DSCAM: variants seen among roughly 807,000 people sequenced by gnomAD.
DSCAM encodes the protein cell adhesion molecule DSCAM.
DSCAM carries 47 observed loss-of-function variants against 217.7 expected under a neutral mutation model. The observed-to-expected ratio is 0.22, with a 90% CI of 0.17 to 0.28. The LOEUF (loss-of-function observed/expected upper bound fraction) is 0.28, where lower values mean the gene tolerates loss of function less well. Among genes scored for constraint, DSCAM ranks in the 10% least tolerant of loss-of-function variants. The pLI is 1.00. For missense variants in DSCAM, 2,080 were observed against 2,618.3 expected (o/e 0.79, Z 4.49); for synonymous variants, 1,056 against 1,015.3 (o/e 1.04, Z -0.76).
chr21:40,415,742 G>T (rs1246920608), intron 3 of DSCAM, among the ~76,000 whole-genome samples: 3 of 152,092 alleles, frequency 2.0e-5, no homozygotes, highest in African/African-American at 7.2e-5. Flanking sequence ...GCTCCCCAGG[G>T]GGCCGGTGGG....
At chr21:40,839,628 T>A (rs2092084064) in intron 1 of DSCAM, among the ~76,000 whole-genome samples, 1 of 151,882 alleles carries the variant, frequency 6.6e-6, no homozygotes. Flanking sequence ...TCTGCAAGGG[T>A]TGGTATGCTT....
intron 1 of DSCAM, among the ~76,000 whole-genome samples, chr21:40,732,304 T>A (rs1305415674): frequency 6.6e-6 from 1 of 152,194 alleles, no homozygotes; most frequent in Non-Finnish European, 1.5e-5. Context: ...GCCACCACCA[T>A]GTAAGGCAGA....
intron 1 of DSCAM, among the ~76,000 whole-genome samples, chr21:40,717,099 T>A (rs1004523094): frequency 1.3e-5 from 2 of 152,240 alleles, no homozygotes; most frequent in Non-Finnish European, 2.9e-5. Context: ...GGAAATTCAA[T>A]GCACAGCTAA....
At chr21:40,115,924 CTAGA>C (rs1435029215) in intron 20 of DSCAM, among the ~76,000 whole-genome samples, 2 of 152,138 alleles carry the variant, frequency 1.3e-5, no homozygotes, top group African/African-American at 4.8e-5. Context: ...CAATGATAGA[CTAGA>C]TAAAGAAAAT....
chr21:40,299,608 G>T (rs1288071180), intron 9 of DSCAM, among the ~76,000 whole-genome samples: 3 of 152,206 alleles, frequency 2.0e-5, no homozygotes, highest in African/African-American at 7.2e-5. Context: ...ACAGGCATAT[G>T]GTCCCCTGGG....
rs114408263 is a variant in DSCAM, at chr21:40,803,453, C to T, written c.43+43166G>A. Among the ~76,000 whole-genome samples, 948 of 152,224 alleles carry T rather than the reference C, an allele frequency of 6.2e-3. 11 individuals carry two copies. Among genetic ancestry groups the T allele is most frequent in the Middle Eastern group, 0.027 (8 of 294 alleles). On this transcript the variant is annotated intron_variant, in intron 1 of 32. Transcript: ENST00000400454. ...ACTCAAATTCTGTTAAAGCAAAACACAAAATGTTCATGAAAGTGAAAGAGC... is the reference window on the plus strand; with the variant it reads ...ACTCAAATTCTGTTAAAGCAAAACATAAAATGTTCATGAAAGTGAAAGAGC...
intron 3 of DSCAM, among the ~76,000 whole-genome samples, chr21:40,399,035 C>T (rs2075208574): frequency 6.6e-6 from 1 of 152,172 alleles, no homozygotes; most frequent in Non-Finnish European, 1.5e-5. Context: ...TTTTAGTAGG[C>T]TAAGGCAGGC....
At chr21:40,294,968 C>T (rs1442114326) in intron 10 of DSCAM, among the ~76,000 whole-genome samples, 1 of 152,088 alleles carries the variant, frequency 6.6e-6, no homozygotes, top group East Asian at 1.9e-4. Flanking sequence ...AGCAACCTTC[C>T]CCACTTCTTT....
chr21:40,558,387 G>T (rs71318526), intron 3 of DSCAM, among the ~76,000 whole-genome samples: 10,518 of 151,724 alleles, frequency 0.069, 411 homozygotes, highest in East Asian at 0.11. Context: ...GGCGGAGCTT[G>T]CAGTGAGCCA....
chr21:40,740,832 G>A (rs1445936509), intron 1 of DSCAM, among the ~76,000 whole-genome samples: 2 of 152,200 alleles, frequency 1.3e-5, no homozygotes, highest in African/African-American at 4.8e-5. Context: ...TATCTGCTGT[G>A]ATTTACAAAG....
At chr21:40,786,246 C>G (rs566759416) in intron 1 of DSCAM, among the ~76,000 whole-genome samples, 6 of 79,688 alleles carry the variant, frequency 7.5e-5, no homozygotes, top group Admixed American at 4.4e-4. Flanking sequence ...CAAAACAAAA[C>G]AAAGAAAGAA....
At chr21:40,518,489 ATATT>A (rs1359623432) in intron 3 of DSCAM, among the ~76,000 whole-genome samples, 1 of 24,764 alleles carries the variant, frequency 4.0e-5, no homozygotes, top group Non-Finnish European at 5.9e-5. Context: ...TTTTATATAT[ATATT>A]ATATATTATA....
intron 3 of DSCAM, among the ~76,000 whole-genome samples, chr21:40,456,490 G>C (rs1016078976): frequency 3.9e-5 from 6 of 152,012 alleles, no homozygotes; most frequent in Non-Finnish European, 8.8e-5. Flanking sequence ...AAATAGGCAG[G>C]AATTGCAGGG....
chr21:40,579,411 GAT>G, intron 3 of DSCAM, among the ~76,000 whole-genome samples: 1 of 152,104 alleles, frequency 6.6e-6, no homozygotes, highest in Non-Finnish European at 1.5e-5. Flanking sequence ...AAAGTTAGGA[GAT>G]ATAGAGAAAA....
intron 18 of DSCAM, among the ~76,000 whole-genome samples, chr21:40,137,586 C>G (rs1040302054): frequency 2.2e-5 from 3 of 138,282 alleles, no homozygotes; most frequent in Non-Finnish European, 4.6e-5. Flanking sequence ...CTCTGTAGGG[C>G]TGTTTAATAC....
rs149462283 is a variant in DSCAM at position 40,437,438 on chromosome 21, G to A, written c.509-68193C>T. On this transcript the variant is annotated intron_variant, in intron 3 of 32. Transcript: ENST00000400454. ...ATGGGAGAAGTATGAAGATTCCCAT[G>A]AGCAATTACATAATCTTAGTGAAAA... 3.3e-3 allele frequency among the ~76,000 whole-genome samples: 498 copies of A among 152,312 alleles called. 1 individual carries two copies. The highest frequency in any genetic ancestry group is 0.012 in the African/African-American group (487 of 41,554).
intron 18 of DSCAM, among the ~76,000 whole-genome samples, chr21:40,138,475 G>A (rs1032707481): frequency 2.0e-5 from 3 of 148,256 alleles, no homozygotes; most frequent in South Asian, 2.2e-4. Flanking sequence ...AGTGTGTGGT[G>A]TATTGGGGGT....
At chr21:40,499,244 A>G (rs2076153268) in intron 3 of DSCAM, among the ~76,000 whole-genome samples, 1 of 152,186 alleles carries the variant, frequency 6.6e-6, no homozygotes, top group Non-Finnish European at 1.5e-5. Flanking sequence ...AGAGTAAAAC[A>G]CCATATGTCA....
chr21:40,103,836 A>C (rs1046275304), intron 20 of DSCAM, among the ~76,000 whole-genome samples: 16 of 150,850 alleles, frequency 1.1e-4, no homozygotes, highest in African/African-American at 3.6e-4. Flanking sequence ...ATATATGTCT[A>C]TATATATGAC....
Sources: allele counts gnomAD v4.1 joint callset (sites outside exome capture counted in the v4.1 genomes callset), GRCh38; gene constraint gnomAD v4.1.1; transcripts MANE v1.5; gene names NCBI Gene and HGNC (gene_info 2026-07-23, HGNC 2026-07-21).